C3orf20: variants seen among roughly 807,000 people sequenced by gnomAD.
The protein encoded by C3orf20 is family with sequence similarity 149 member C.
In C3orf20, 76 loss-of-function variants were observed where a neutral mutation model predicts 88.3. The observed-to-expected ratio is 0.86, with a 90% CI of 0.72 to 1.04. C3orf20 has a LOEUF of 1.04. Ranked by LOEUF, C3orf20 falls within the 50% of genes least tolerant of loss-of-function variation. The pLI, the probability that C3orf20 is intolerant of heterozygous loss-of-function variation, is 0.00. For synonymous variants in C3orf20, 436 were observed against 437.4 expected (o/e 1.00, Z 0.04); for missense variants, 1,056 against 1,123.3 (o/e 0.94, Z 0.86).
intron 5 of C3orf20, among the ~76,000 whole-genome samples, chr3:14,696,703 T>C (rs1378123374): frequency 6.6e-6 from 1 of 151,850 alleles, no homozygotes; most frequent in Non-Finnish European, 1.5e-5. Context: ...TATGAGTTCG[T>C]CTTTTAGTCT....
intron 7 of C3orf20, among the ~76,000 whole-genome samples, chr3:14,710,173 T>C (rs2033683996): frequency 6.6e-6 from 1 of 152,066 alleles, no homozygotes; most frequent in Admixed American, 6.5e-5. Flanking sequence ...TATTGTATCA[T>C]TGTCTTAGGA....
At chr3:14,690,701 A>G (rs942031595) in intron 5 of C3orf20, among the ~76,000 whole-genome samples, 2 of 152,262 alleles carry the variant, frequency 1.3e-5, no homozygotes, top group Non-Finnish European at 2.9e-5. Context: ...AGAAGCTCAG[A>G]GGAGAGACAG....
chr3:14,706,963 G>A (rs971790065), intron 7 of C3orf20, among the ~76,000 whole-genome samples: 7 of 151,864 alleles, frequency 4.6e-5, no homozygotes, highest in African/African-American at 1.5e-4. Flanking sequence ...AAAATTATAT[G>A]TCTGGGCCGG....
chr3:14,743,609 A>G (rs1166717654), intron 12 of C3orf20, among the ~76,000 whole-genome samples: 1 of 151,998 alleles, frequency 6.6e-6, no homozygotes, highest in Non-Finnish European at 1.5e-5. Context: ...TCCCTTCTGC[A>G]CTGCCCTAGC....
intron 7 of C3orf20, among the ~76,000 whole-genome samples, chr3:14,713,751 C>T (rs769613642): frequency 1.3e-5 from 2 of 152,160 alleles, no homozygotes; most frequent in Non-Finnish European, 2.9e-5. Context: ...GGACCCTACT[C>T]ATCTGTGAGA....
At chr3:14,728,123 A>G (rs1422787679) in intron 11 of C3orf20, among the ~76,000 whole-genome samples, 1 of 152,256 alleles carries the variant, frequency 6.6e-6, no homozygotes, top group Non-Finnish European at 1.5e-5. Flanking sequence ...CCAGGAATGC[A>G]TTGTGTAGCT....
At chr3:14,723,918 T>G (rs1282905527) in intron 10 of C3orf20, among the ~76,000 whole-genome samples, 1 of 152,036 alleles carries the variant, frequency 6.6e-6, no homozygotes, top group East Asian at 1.9e-4. Flanking sequence ...CTCCGCCTCC[T>G]AGGTTCAAGT....
chr3:14,679,647 CA>C (rs1181027642), intron 1 of C3orf20, among the ~76,000 whole-genome samples: 134 of 142,270 alleles, frequency 9.4e-4, no homozygotes, highest in South Asian at 2.6e-3. Flanking sequence ...TCAGCTGGTA[CA>C]AAAAAAAAAA....
chr3:14,711,313 G>A (rs1330328440), intron 7 of C3orf20, among the ~76,000 whole-genome samples: 1 of 152,052 alleles, frequency 6.6e-6, no homozygotes, highest in Non-Finnish European at 1.5e-5. Flanking sequence ...AATTCTGTCA[G>A]TTTTTAAATT....
intron 12 of C3orf20, among the ~76,000 whole-genome samples, chr3:14,744,281 CT>C (rs2034997026): frequency 6.6e-6 from 1 of 152,006 alleles, no homozygotes; most frequent in Non-Finnish European, 1.5e-5. Context: ...TGCTACCAGT[CT>C]CTTTGCTAAA....
chr3:14,772,817 A>G lies in C3orf20; in HGVS notation c.2657A>G (p.His886Arg). 1.2e-6 allele frequency: 2 copies of G among 1,614,002 alleles called. No individual in the cohort carries two copies. The highest frequency in any genetic ancestry group is 1.7e-6 in the Non-Finnish European group (2 of 1,179,910). The change falls in exon 17 of 17, where the codon CAT becomes CGT. Residue 886 changes from histidine (H) to arginine (R), a missense_variant. Coordinates refer to ENST00000253697, the MANE Select transcript of C3orf20 (RefSeq NM_032137.5). This position sits in a 1 kb window ranked among gnomAD's most constrained non-coding sequence, Gnocchi z 4.2. Reference sequence around the variant, plus strand: ...ACAAGAGAGCCTGAAGTGGAGCTACATCCTCTCAGCAGGGACAGCAAGATA... The same window carrying G: ...ACAAGAGAGCCTGAAGTGGAGCTACGTCCTCTCAGCAGGGACAGCAAGATA... ...EKTREPEVELHPLSRDSKITS... is the reference protein window; with the variant it reads ...EKTREPEVELRPLSRDSKITS...
chr3:14,685,568 G>C (rs1225055981), intron 4 of C3orf20, among the ~76,000 whole-genome samples: 1 of 151,856 alleles, frequency 6.6e-6, no homozygotes, highest in Non-Finnish European at 1.5e-5. Context: ...GTGCAATACA[G>C]TGATATTAAC....
At chr3:14,698,577 T>C (rs2033110987) in intron 5 of C3orf20, among the ~76,000 whole-genome samples, 1 of 152,206 alleles carries the variant, frequency 6.6e-6, no homozygotes, top group Non-Finnish European at 1.5e-5. Context: ...ACTCTCTAGA[T>C]TATCAGGTAG....
Position 14,738,164 on chromosome 3 carries a change from C to CTTTT in C3orf20, c.1940+9494_1940+9497dup, listed in dbSNP as rs35948176. Among the ~76,000 whole-genome samples, 69 of 107,328 alleles carry CTTTT rather than the reference C, an allele frequency of 6.4e-4. 2 individuals carry two copies. The highest frequency in any genetic ancestry group is 2.0e-3 in the African/African-American group (53 of 25,866). 70.4% of individuals were successfully genotyped at this position (107,328 alleles called of 152,430 possible). A position where few individuals can be genotyped will look rare whatever the true frequency, so the allele number is the denominator to read the frequency against. ...GACCTCCCATGAATCACAAATATTC[C>CTTTT]TTTTTTTTTTTTTTTTTTTTTGAGG... is the stretch of plus-strand genomic sequence containing the variant. On this transcript the variant is annotated intron_variant, in intron 12 of 16. Transcript: ENST00000253697.
chr3:14,704,026 G>T (rs2033391870), intron 6 of C3orf20, among the ~76,000 whole-genome samples: 1 of 152,096 alleles, frequency 6.6e-6, no homozygotes, highest in Non-Finnish European at 1.5e-5. Context: ...ACAACCTCAG[G>T]ACTGGGGTGA....
intron 12 of C3orf20, among the ~76,000 whole-genome samples, chr3:14,749,474 T>C (rs1433340589): frequency 6.6e-6 from 1 of 152,204 alleles, no homozygotes; most frequent in Non-Finnish European, 1.5e-5. Context: ...TGCATGCAGC[T>C]TTAGTTGCAT....
At chr3:14,742,999 C>G (rs1353532786) in intron 12 of C3orf20, among the ~76,000 whole-genome samples, 1 of 151,914 alleles carries the variant, frequency 6.6e-6, no homozygotes, top group Non-Finnish European at 1.5e-5. Flanking sequence ...CACAGCCAAA[C>G]CATATAATTC....
intron 1 of C3orf20, among the ~76,000 whole-genome samples, chr3:14,675,838 G>A (rs756081641): frequency 6.6e-6 from 1 of 152,052 alleles, no homozygotes. Flanking sequence ...TTACAGGCAT[G>A]CACCACCACG....
At position 14,772,887 on chromosome 3, in the gene C3orf20, C is replaced by A. The variant is rs756105045; in HGVS notation, c.*12C>A. ...CCTCCAAGAAGTAGCGCCATCCTGG[C>A]AGCAGCCAAGTGAGCCAGGCCCCGG... On this transcript the variant is annotated 3_prime_UTR_variant, in exon 17 of 17. Transcript: ENST00000253697. The surrounding 1 kb of genome is among the most constrained non-coding windows in gnomAD (Gnocchi z 4.2). The A allele has an allele frequency of 1.9e-6, 3 of 1,611,344 alleles. No individual in the cohort carries two copies. The highest frequency in any genetic ancestry group is 2.5e-6 in the Non-Finnish European group (3 of 1,177,898).
Sources: allele counts gnomAD v4.1 joint callset (sites outside exome capture counted in the v4.1 genomes callset), GRCh38; gene constraint gnomAD v4.1.1; non-coding constraint Gnocchi (gnomAD v3.1); transcripts MANE v1.5; gene names NCBI Gene and HGNC (gene_info 2026-07-23, HGNC 2026-07-21).